Variants in RNF8 observed in about 807,000 individuals in gnomAD.
The protein encoded by RNF8 is E3 ubiquitin-protein ligase RNF8.
In RNF8, 8 loss-of-function variants were observed where a neutral mutation model predicts 59.3. The ratio of observed to expected loss-of-function variants is 0.13; its 90% CI spans 0.08 to 0.24. The LOEUF is 0.24. Ranked by LOEUF, RNF8 falls within the 10% of genes least tolerant of loss-of-function variation. The pLI, the probability that RNF8 is intolerant of heterozygous loss-of-function variation, is 1.00. For missense variants in RNF8, 406 were observed against 572.6 expected (o/e 0.71, Z 2.97); for synonymous variants, 162 against 200.0 (o/e 0.81, Z 1.60).
intron 2 of RNF8, chr6:37,361,382 G>A (rs1247221339): frequency 4.4e-6 from 2 of 456,308 alleles, no homozygotes; most frequent in African/African-American, 4.0e-5. Context: ...ACCCAGGTTG[G>A]AAGGAGGGCA....
At chr6:37,369,363 T>C (rs534537344) in intron 3 of RNF8, 145 bp downstream of exon 3, 56 of 1,024,700 alleles carry the variant, frequency 5.5e-5, no homozygotes, top group Admixed American at 1.2e-4. Flanking sequence ...CAGTAAACTT[T>C]TGAGATAAGG....
At chr6:37,389,701 G>T (rs780860440) in intron 7 of RNF8, among the ~76,000 whole-genome samples, 3 of 151,720 alleles carry the variant, frequency 2.0e-5, no homozygotes, top group Non-Finnish European at 4.4e-5. Context: ...AGAGTATCGT[G>T]GGGGGGTGGG....
rs763513026 is a variant in RNF8 at position 37,368,965 on chromosome 6, C to G, written c.722C>G (p.Ala241Gly). Residue 241 changes from alanine to glycine, a missense_variant, in exon 3 of 8, where the codon GCA (alanine) becomes GGA (glycine). By Grantham distance (60) the Ala-to-Gly change is moderately conservative. This residue lies in a region of RNF8 where 285 missense variants were observed against 342.0 expected (regional missense o/e 0.83). Transcript: ENST00000373479. ...GAGCAGAAAGCCTCAAACTCTTCAG[C>G]ATCTCAGAGAAGCTTACAGATGTTT... is the stretch of plus-strand genomic sequence containing the variant. ...HHEQKASNSS[A>G]SQRSLQMFKV... is the part of the protein sequence containing the mutation. 1.9e-6 allele frequency: 3 copies of G among 1,614,222 alleles called. No homozygotes were observed. In the South Asian group the frequency reaches 3.3e-5, roughly 18 times the overall value.
chr6:37,375,752 GA>G (rs956797139), intron 5 of RNF8, among the ~76,000 whole-genome samples: 5 of 152,140 alleles, frequency 3.3e-5, no homozygotes, highest in African/African-American at 4.8e-5. Flanking sequence ...GCTTTGAGTG[GA>G]AAAGAAAATA....
intron 1 of RNF8, among the ~76,000 whole-genome samples, chr6:37,355,692 C>G (rs1202341255): frequency 6.6e-6 from 1 of 152,076 alleles, no homozygotes; most frequent in Non-Finnish European, 1.5e-5. Context: ...TTGAGGAACA[C>G]CAAGAAAACA....
At chr6:37,365,779 A>G (rs529118218) in intron 2 of RNF8, among the ~76,000 whole-genome samples, 5 of 150,652 alleles carry the variant, frequency 3.3e-5, no homozygotes, top group South Asian at 4.1e-4. Flanking sequence ...ATGAAAACCA[A>G]CATTAAGAAA....
chr6:37,364,540 C>T (rs925343159), intron 2 of RNF8, among the ~76,000 whole-genome samples: 9 of 152,144 alleles, frequency 5.9e-5, no homozygotes, highest in Non-Finnish European at 1.2e-4. Flanking sequence ...AATACAATTG[C>T]TGAAATAAGA....
chr6:37,360,040 A>T lies in RNF8; in HGVS notation c.112-406A>T, dbSNP rs1397569187. On this transcript the variant is annotated intron_variant, in intron 1 of 7. Transcript: ENST00000373479. The surrounding 1 kb of genome is among the most constrained non-coding windows in gnomAD (Gnocchi z 4.2). Reference sequence around the variant, plus strand: ...CCCAGGGCAAAGCCAGGGCCAATGGATGGAATTTACAAGGAGAAAAATGCC... The same window carrying T: ...CCCAGGGCAAAGCCAGGGCCAATGGTTGGAATTTACAAGGAGAAAAATGCC... Among the ~76,000 whole-genome samples the T allele has an allele frequency of 1.3e-5, 2 of 152,238 alleles. No homozygotes were observed. Among genetic ancestry groups the T allele is most frequent in the African/African-American group, 4.8e-5 (2 of 41,462 alleles).
intron 2 of RNF8, among the ~76,000 whole-genome samples, chr6:37,363,150 T>A (rs1387552050): frequency 3.3e-5 from 5 of 152,230 alleles, no homozygotes; most frequent in African/African-American, 7.2e-5. Flanking sequence ...CTGCAGACTC[T>A]GGCATTTGAA....
chr6:37,377,990 A>G (rs921875554), intron 6 of RNF8, among the ~76,000 whole-genome samples: 2 of 152,196 alleles, frequency 1.3e-5, no homozygotes, highest in African/African-American at 4.8e-5. Context: ...TGACAGTGCT[A>G]TTCAGACTCC....
At chr6:37,378,592 C>G (rs1770117522) in intron 6 of RNF8, among the ~76,000 whole-genome samples, 3 of 136,022 alleles carry the variant, frequency 2.2e-5, no homozygotes, top group South Asian at 4.6e-4. Flanking sequence ...CAGAGCGAGA[C>G]TCCGTCTCAA....
At chr6:37,362,372 C>T (rs772686686) in intron 2 of RNF8, among the ~76,000 whole-genome samples, 2 of 152,200 alleles carry the variant, frequency 1.3e-5, no homozygotes, top group East Asian at 1.9e-4. Context: ...GCTCACTCTC[C>T]AGTGTTTGCT....
At position 37,369,153 on chromosome 6, in the gene RNF8, G is replaced by A. The variant is rs531072001; in HGVS notation, c.910G>A (p.Ala304Thr). 19 of 1,614,124 alleles carry A rather than the reference G, an allele frequency of 1.2e-5. No individual in the cohort carries two copies. The South Asian group carries it at 1.9e-4, about 16-fold the overall frequency. The change falls in exon 3 of 8, where the codon GCT becomes ACT. Residue 304 changes from alanine (A) to threonine (T), a missense_variant. Transcript: ENST00000373479. ...DLQSQLCAEQ[A>T]QQQARVEQLE... ...ACAGTCCCAGCTGTGTGCAGAGCAG[G>A]CTCAGCAGCAGGCAAGAGTGGAGCA...
intron 2 of RNF8, among the ~76,000 whole-genome samples, chr6:37,366,752 A>C (rs1262513215): frequency 6.6e-6 from 1 of 152,150 alleles, no homozygotes; most frequent in East Asian, 1.9e-4. Flanking sequence ...GCCAGTGTAA[A>C]CATAAATCTT....
At chr6:37,383,613 T>G (rs1400217095) in intron 7 of RNF8, among the ~76,000 whole-genome samples, 1 of 152,164 alleles carries the variant, frequency 6.6e-6, no homozygotes, top group Admixed American at 6.5e-5. Context: ...CCTCCTGGGC[T>G]GGTTATTGAA....
chr6:37,364,494 A>G (rs1358567515), intron 2 of RNF8, among the ~76,000 whole-genome samples: 1 of 152,210 alleles, frequency 6.6e-6, no homozygotes, highest in African/African-American at 2.4e-5. Context: ...CCGCTTTAGT[A>G]AAGACTTTAA....
intron 3 of RNF8, chr6:37,369,876 T>C (rs1769731287): frequency 6.6e-6 from 1 of 152,376 alleles, no homozygotes; most frequent in African/African-American, 2.4e-5. Context: ...AGTAGGAAGG[T>C]AAAATAATGA....
intron 2 of RNF8, among the ~76,000 whole-genome samples, chr6:37,365,208 C>T (rs1207749726): frequency 1.3e-5 from 2 of 152,128 alleles, no homozygotes; most frequent in Middle Eastern, 6.8e-3. Flanking sequence ...ACAGTGTGGA[C>T]GAATCTCAGA....
At chr6:37,388,279 T>G (rs1770591469) in intron 7 of RNF8, among the ~76,000 whole-genome samples, 2 of 152,168 alleles carry the variant, frequency 1.3e-5, no homozygotes, top group Admixed American at 6.5e-5. Flanking sequence ...ATGTCTAGGT[T>G]TCTTTCTATT....
Sources: allele counts gnomAD v4.1 joint callset (sites outside exome capture counted in the v4.1 genomes callset), GRCh38; gene constraint gnomAD v4.1.1; regional missense constraint gnomAD v4.1.1; non-coding constraint Gnocchi (gnomAD v3.1); transcripts MANE v1.5; gene names NCBI Gene and HGNC (gene_info 2026-07-23, HGNC 2026-07-21).